Variants in LRMDA observed in about 807,000 individuals in gnomAD.
LRMDA encodes leucine-rich melanocyte differentiation-associated protein.
Under a neutral mutation model 29.8 loss-of-function variants are expected in LRMDA, and 18 were observed. That is an observed-to-expected ratio of 0.60 (90% CI 0.42 to 0.90). LRMDA has a LOEUF of 0.90. Ranked by LOEUF, LRMDA falls within the 40% of genes least tolerant of loss-of-function variation. The probability of loss-of-function intolerance (pLI) is 0.00; values close to 1 mark genes in which losing one functional copy is unlikely to be tolerated. For missense variants in LRMDA, 273 were observed against 273.9 expected, an observed-to-expected ratio of 1.00 and a Z score of 0.02; for synonymous variants, 125 against 109.4, an observed-to-expected ratio of 1.14 and a Z score of -0.89.
At chr10:75,530,029 T>C (rs1243662712) in intron 2 of LRMDA, among the ~76,000 whole-genome samples, 1 of 152,192 alleles carries the variant, frequency 6.6e-6, no homozygotes, top group African/African-American at 2.4e-5. Context: ...TAGAGATTTA[T>C]TTTTGTAACC....
intron 6 of LRMDA, among the ~76,000 whole-genome samples, chr10:76,502,141 G>A (rs1329212173): frequency 6.6e-6 from 1 of 151,796 alleles, no homozygotes; most frequent in Non-Finnish European, 1.5e-5. Context: ...GCCTATTTTT[G>A]TCAGCCATGT....
intron 2 of LRMDA, among the ~76,000 whole-genome samples, chr10:75,898,027 T>C (rs1339233867): frequency 6.6e-6 from 1 of 152,024 alleles, no homozygotes; most frequent in Non-Finnish European, 1.5e-5. Context: ...GGTTTCACCA[T>C]GTGGGCCAGG....
Position 76,032,343 on chromosome 10 carries a change from C to T in LRMDA, c.132-3665C>T, listed in dbSNP as rs906041289. ...GCCTGGGCAGGGCTGCACGCCTGTT[C>T]GGCGCTGCTGTTTTCATAAGCTAAT... On this transcript the variant is annotated intron_variant, in intron 2 of 6. Coordinates refer to ENST00000611255, the MANE Select transcript of LRMDA (RefSeq NM_001305581.2). 5.9e-5 allele frequency among the ~76,000 whole-genome samples: 9 copies of T among 152,336 alleles called. No homozygotes were observed. The East Asian group carries it at 9.7e-4, about 16-fold the overall frequency.
chr10:75,546,997 A>G (rs1248645983), intron 2 of LRMDA, among the ~76,000 whole-genome samples: 2 of 152,198 alleles, frequency 1.3e-5, no homozygotes, highest in South Asian at 2.1e-4. Context: ...TCCAAAGTTC[A>G]TGTCTTTAAC....
At position 76,430,820 on chromosome 10, in the gene LRMDA, C is replaced by T. The variant is rs190411852; in HGVS notation, c.601+106335C>T. ...GATAGGGTCAGTGAGTGATTTCAAC[C>T]TCCTAATTGTCCCACAACCCCCTCC... is the stretch of plus-strand genomic sequence containing the variant. On this transcript the variant is annotated intron_variant, in intron 6 of 6. Transcript: ENST00000611255. Among the ~76,000 whole-genome samples, 8 of 152,276 alleles carry T rather than the reference C, an allele frequency of 5.3e-5. No individual in the cohort carries two copies. The East Asian group carries it at 1.5e-3, about 29-fold the overall frequency.
intron 2 of LRMDA, among the ~76,000 whole-genome samples, chr10:75,907,927 A>T (rs966666624): frequency 2.6e-5 from 4 of 152,158 alleles, no homozygotes; most frequent in Non-Finnish European, 5.9e-5. Context: ...GGCTCTGAGC[A>T]TGACTCTTGG....
intron 2 of LRMDA, among the ~76,000 whole-genome samples, chr10:75,623,991 G>A (rs890525071): frequency 6.6e-6 from 1 of 152,182 alleles, no homozygotes; most frequent in African/African-American, 2.4e-5. Context: ...CTGTGCACTT[G>A]AGAGGGGGAA....
chr10:75,697,850 T>TGTGTGTGC (rs10664076), intron 2 of LRMDA, among the ~76,000 whole-genome samples: 69 of 151,702 alleles, frequency 4.5e-4, no homozygotes, highest in African/African-American at 1.4e-3. Flanking sequence ...TGTGTGTGTG[T>TGTGTGTGC]GCGTGTGTGT....
chr10:75,597,949 G>T (rs984747139), intron 2 of LRMDA, among the ~76,000 whole-genome samples: 2 of 152,144 alleles, frequency 1.3e-5, no homozygotes, highest in African/African-American at 4.8e-5. Context: ...GGACGCCTGA[G>T]GGGGAGTACA....
intron 6 of LRMDA, among the ~76,000 whole-genome samples, chr10:76,479,871 G>A (rs1842718598): frequency 6.6e-6 from 1 of 151,846 alleles, no homozygotes; most frequent in South Asian, 2.1e-4. Context: ...AGCTGTTGAA[G>A]TTTAGATGAT....
intron 2 of LRMDA, among the ~76,000 whole-genome samples, chr10:75,880,290 A>G (rs1258856126): frequency 2.0e-5 from 3 of 152,216 alleles, no homozygotes; most frequent in African/African-American, 7.2e-5. Flanking sequence ...GGAAGAAGGA[A>G]TATATTAGAA....
intron 2 of LRMDA, among the ~76,000 whole-genome samples, chr10:75,745,070 C>T (rs1424295505): frequency 1.3e-5 from 2 of 152,218 alleles, no homozygotes; most frequent in East Asian, 1.9e-4. Context: ...CAGTTACTGT[C>T]ATGTCCAGCA....
intron 2 of LRMDA, among the ~76,000 whole-genome samples, chr10:75,928,382 G>C (rs954186307): frequency 6.6e-6 from 1 of 152,062 alleles, no homozygotes; most frequent in Admixed American, 6.5e-5. Flanking sequence ...TAAAAGGCCG[G>C]CAGCTGCATT....
intron 5 of LRMDA, among the ~76,000 whole-genome samples, chr10:76,243,838 A>G (rs979056877): frequency 5.9e-5 from 9 of 152,150 alleles, no homozygotes; most frequent in Admixed American, 2.0e-4. Flanking sequence ...GCTCCATCCT[A>G]TCCCTGGGAC....
chr10:76,289,413 A>G (rs759273952), intron 5 of LRMDA, among the ~76,000 whole-genome samples: 8 of 152,018 alleles, frequency 5.3e-5, no homozygotes, highest in South Asian at 2.1e-4. Context: ...TTCCAATGTT[A>G]TTTTTTTCAA....
chr10:75,597,939 G>A (rs147671302), intron 2 of LRMDA, among the ~76,000 whole-genome samples: 166 of 152,222 alleles, frequency 1.1e-3, no homozygotes, highest in African/African-American at 3.9e-3. Context: ...TGCTGCGAGG[G>A]GACGCCTGAG....
At chr10:76,275,765 G>T (rs549659501) in intron 5 of LRMDA, among the ~76,000 whole-genome samples, 58 of 152,112 alleles carry the variant, frequency 3.8e-4, no homozygotes, top group Non-Finnish European at 7.1e-4. Flanking sequence ...CAGTAGATTT[G>T]GTGAGTTTTT....
intron 5 of LRMDA, among the ~76,000 whole-genome samples, chr10:76,132,966 C>CCT (rs1850022903): frequency 1.6e-4 from 9 of 57,370 alleles, no homozygotes; most frequent in African/African-American, 6.2e-4. Flanking sequence ...CCACGCCCGG[C>CCT]TTTTTTTTTT....
intron 6 of LRMDA, among the ~76,000 whole-genome samples, chr10:76,459,650 C>T (rs942168673): frequency 3.3e-5 from 5 of 152,160 alleles, no homozygotes; most frequent in African/African-American, 7.2e-5. Flanking sequence ...ATGCTTCCTA[C>T]CAATGTCAAG....
Sources: allele counts gnomAD v4.1 joint callset (sites outside exome capture counted in the v4.1 genomes callset), GRCh38; gene constraint gnomAD v4.1.1; transcripts MANE v1.5; gene names NCBI Gene and HGNC (gene_info 2026-07-23, HGNC 2026-07-21).